The following MID1 variants were observed in gnomAD, a reference collection of about 807,000 sequenced individuals.
The protein encoded by MID1 is midline 1, also known as E3 ubiquitin-protein ligase Midline-1.
Under a neutral mutation model 40.4 loss-of-function variants are expected in MID1, and 7 were observed. That is an observed-to-expected ratio of 0.17 (90% CI 0.10 to 0.33). MID1 has a LOEUF of 0.33. Among genes scored for constraint, MID1 ranks in the 10% least tolerant of loss-of-function variants. The probability of loss-of-function intolerance (pLI) is 1.00; values close to 1 mark genes in which losing one functional copy is unlikely to be tolerated. For missense variants in MID1, 367 were observed against 558.5 expected (o/e 0.66, Z 3.46); for synonymous variants, 229 against 221.2 (o/e 1.04, Z -0.31).
intron 3 of MID1, among the ~76,000 whole-genome samples, chrX:10,500,472 T>C (rs1931485883): frequency 8.9e-6 from 1 of 112,426 alleles, no homozygotes; most frequent in African/African-American, 3.2e-5. Context: ...TCCAAATTCT[T>C]GTAACTCTAG....
intron 1 of MID1, among the ~76,000 whole-genome samples, chrX:10,812,274 T>G (rs757696694): frequency 9.0e-6 from 1 of 111,445 alleles, no homozygotes; most frequent in Non-Finnish European, 1.9e-5. Context: ...ACTTGGGTGG[T>G]CACACAGAAA....
chrX:10,820,799 G>C (rs1249489542), intron 1 of MID1, among the ~76,000 whole-genome samples: 1 of 112,060 alleles, frequency 8.9e-6, no homozygotes, highest in Non-Finnish European at 1.9e-5. Flanking sequence ...CGACCACTCT[G>C]AGCATCATTC....
intron 1 of MID1, among the ~76,000 whole-genome samples, chrX:10,646,229 T>C (rs1936260206): frequency 8.9e-6 from 1 of 111,898 alleles, no homozygotes; most frequent in African/African-American, 3.2e-5. Context: ...TAAATGTTGA[T>C]GGGTGTGCAA....
chrX:10,644,170 AC>A (rs770219320), intron 1 of MID1, among the ~76,000 whole-genome samples: 32 of 112,003 alleles, frequency 2.9e-4, no homozygotes, highest in Non-Finnish European at 4.5e-4. Context: ...TAATAAAAAA[AC>A]AGTAGGTTAT....
chrX:10,636,977 C>A (rs935296864), intron 1 of MID1, among the ~76,000 whole-genome samples: 1 of 105,539 alleles, frequency 9.5e-6, no homozygotes, highest in Non-Finnish European at 1.9e-5. Flanking sequence ...ACAGCTTTCC[C>A]AGCTGTACAA....
chrX:10,474,782 T>C, intron 5 of MID1, 32 bp from the exon 6 acceptor site: 3 of 1,189,562 alleles, frequency 2.5e-6, no homozygotes, highest in Non-Finnish European at 3.4e-6. Context: ...GTTTCAGAAA[T>C]GTCAAGATGA....
chrX:10,532,588 G>A (rs1933012771), intron 2 of MID1, among the ~76,000 whole-genome samples: 1 of 111,627 alleles, frequency 9.0e-6, no homozygotes, highest in East Asian at 2.8e-4. Context: ...TGCCAGTTAA[G>A]AATTACATGG....
chrX:10,474,581 A>C, intron 6 of MID1, 42 bp downstream of exon 6: 1 of 1,185,177 alleles, frequency 8.4e-7, no homozygotes, highest in Non-Finnish European at 1.1e-6. Flanking sequence ...TGTTTATATC[A>C]CTAAGTGTGC....
At chrX:10,680,177 C>T (rs1262263921) in intron 1 of MID1, among the ~76,000 whole-genome samples, 2 of 112,159 alleles carry the variant, frequency 1.8e-5, no homozygotes, top group Non-Finnish European at 3.8e-5. Flanking sequence ...GAGTGTAAAA[C>T]CCTACTCAGG....
chrX:10,456,802 G>A (rs1383038523), intron 8 of MID1, among the ~76,000 whole-genome samples: 9 of 111,484 alleles, frequency 8.1e-5, no homozygotes, highest in South Asian at 7.7e-4. Flanking sequence ...ATGCCGCTGC[G>A]CTCCAGCCTG....
intron 1 of MID1, among the ~76,000 whole-genome samples, chrX:10,718,873 G>A (rs1351627208): frequency 9.0e-6 from 1 of 111,631 alleles, no homozygotes; most frequent in Admixed American, 9.5e-5. Flanking sequence ...TTCATCCCTG[G>A]GATGCAAGGC....
At chrX:10,742,836 T>G (rs1182635317) in intron 1 of MID1, among the ~76,000 whole-genome samples, 1 of 112,206 alleles carries the variant, frequency 8.9e-6, no homozygotes, top group Non-Finnish European at 1.9e-5. Flanking sequence ...ACCAAGTGTG[T>G]TTGAATATTT....
At chrX:10,634,230 A>C (rs1936084673) in intron 1 of MID1, among the ~76,000 whole-genome samples, 1 of 112,047 alleles carries the variant, frequency 8.9e-6, no homozygotes, top group African/African-American at 3.2e-5. Context: ...GGGCAGGAAG[A>C]ACAGGATGGT....
At chrX:10,553,418 G>T (rs1326982961) in intron 2 of MID1, among the ~76,000 whole-genome samples, 1 of 111,217 alleles carries the variant, frequency 9.0e-6, no homozygotes, top group Non-Finnish European at 1.9e-5. Flanking sequence ...AAAGAGGAAT[G>T]GATAACAGAT....
At chrX:10,500,270 G>A (rs1030480528) in intron 3 of MID1, among the ~76,000 whole-genome samples, 8 of 111,935 alleles carry the variant, frequency 7.1e-5, no homozygotes, top group African/African-American at 2.6e-4. Context: ...AATCTTCCTT[G>A]TTGAGGCAAA....
chrX:10,654,413 C>A (rs2147577313), intron 1 of MID1, among the ~76,000 whole-genome samples: 1 of 111,801 alleles, frequency 8.9e-6, no homozygotes, highest in African/African-American at 3.2e-5. Context: ...TCATGGAAGA[C>A]AATTTTTCCA....
intron 1 of MID1, among the ~76,000 whole-genome samples, chrX:10,709,736 A>C (rs2043254251): frequency 8.9e-6 from 1 of 112,018 alleles, no homozygotes; most frequent in Non-Finnish European, 1.9e-5. Flanking sequence ...ACATTTTTGG[A>C]TGGCATGATA....
chrX:10,683,453 G>C (rs2043072560), intron 1 of MID1, among the ~76,000 whole-genome samples: 1 of 110,897 alleles, frequency 9.0e-6, no homozygotes, highest in African/African-American at 3.3e-5. Context: ...GAGGTGGGAG[G>C]ATCGCTTGAG....
At position 10,748,813 on chromosome X, in the gene MID1, A is replaced by T. The variant is rs762966038; in HGVS notation, c.-187+84741T>A. ...ACCTCTAGTACTTTAAACCCCATTA[A>T]TTAAATCTGTGCCAGGGAAACCTAG... On this transcript the variant is annotated intron_variant, in intron 1 of 10. Transcript: ENST00000380785. Among the ~76,000 whole-genome samples, 4 of 111,683 alleles carry T rather than the reference A, an allele frequency of 3.6e-5. No individual in the cohort carries two copies. The South Asian group carries it at 1.5e-3, about 43-fold the overall frequency.
Sources: allele counts gnomAD v4.1 joint callset (sites outside exome capture counted in the v4.1 genomes callset), GRCh38; gene constraint gnomAD v4.1.1; transcripts MANE v1.5; gene names NCBI Gene and HGNC (gene_info 2026-07-23, HGNC 2026-07-21).